Variants in DEPDC5 observed in about 807,000 individuals in gnomAD.
DEPDC5 encodes GATOR1 complex protein DEPDC5.
Under a neutral mutation model 217.3 loss-of-function variants are expected in DEPDC5, and 73 were observed. The ratio of observed to expected loss-of-function variants is 0.34; its 90% CI spans 0.28 to 0.41. The LOEUF (loss-of-function observed/expected upper bound fraction) is 0.41, where lower values mean the gene tolerates loss of function less well. Ranked by LOEUF, DEPDC5 falls within the 10% of genes least tolerant of loss-of-function variation. The pLI is 1.00. For synonymous variants in DEPDC5, 733 were observed against 756.7 expected (o/e 0.97, Z 0.51); for missense variants, 1,675 against 2,070.1 (o/e 0.81, Z 3.70).
At chr22:31,781,244 AAAAC>A (rs1051816649) in intron 8 of DEPDC5, among the ~76,000 whole-genome samples, 4 of 151,924 alleles carry the variant, frequency 2.6e-5, no homozygotes, top group Non-Finnish European at 2.9e-5. Context: ...CAAAAAAAAA[AAAAC>A]AAAGAATTTA....
chr22:31,778,149 A>T lies in DEPDC5; in HGVS notation c.464A>T (p.Tyr155Phe). 6.2e-7 allele frequency: 1 copy of T among 1,614,200 alleles called. No individual in the cohort carries two copies. The highest frequency in any genetic ancestry group is 8.5e-7 in the Non-Finnish European group (1 of 1,180,012). Residue 155 changes from tyrosine to phenylalanine, a missense_variant, in exon 8 of 43, where the codon TAC becomes TTC. Physicochemically the swap from Tyr to Phe is conservative, Grantham distance 22. Transcript: ENST00000651528. ...AAGAATGAGAAGGTCATGTGTGGCT[A>T]CATCAGTGAAGATACCAGGGTAAGA... ...WVKNEKVMCGYISEDTRVVFR... is the reference protein window; with the variant it reads ...WVKNEKVMCGFISEDTRVVFR...
At position 31,821,484 on chromosome 22, in the gene DEPDC5, G is replaced by A. The variant is rs1360643927; in HGVS notation, c.1871-18G>A. The A allele has an allele frequency of 1.9e-6, 3 of 1,613,446 alleles. No homozygotes were observed. Among genetic ancestry groups the A allele is most frequent in the Non-Finnish European group, 2.5e-6 (3 of 1,179,526 alleles). The stretch of plus-strand genomic sequence containing the variant: ...CTATCAGGTGGGAATGATGCTCAGT[G>A]GTTCTTTATCTGGGTAGGGCCATCC... On this transcript the variant is annotated intron_variant, in intron 22 of 42. Coordinates refer to ENST00000651528, the MANE Select transcript of DEPDC5 (RefSeq NM_001242896.3).
At chr22:31,842,357 T>C (rs1353333679) in intron 27 of DEPDC5, among the ~76,000 whole-genome samples, 1 of 151,998 alleles carries the variant, frequency 6.6e-6, no homozygotes, top group African/African-American at 2.4e-5. Context: ...GAGTGGATCA[T>C]CTGAGGTTGG....
chr22:31,788,212 T>C (rs1179230651), intron 10 of DEPDC5, among the ~76,000 whole-genome samples: 1 of 149,876 alleles, frequency 6.7e-6, no homozygotes, highest in Admixed American at 6.7e-5. Flanking sequence ...ATTAGGAAAA[T>C]GCAACCTAAT....
At chr22:31,895,610 C>G (rs1189792211) in intron 39 of DEPDC5, among the ~76,000 whole-genome samples, 1 of 152,176 alleles carries the variant, frequency 6.6e-6, no homozygotes, top group African/African-American at 2.4e-5. Context: ...CTTCATACAA[C>G]AGAGAACAGC....
At chr22:31,834,946 G>T (rs1814691969) in intron 25 of DEPDC5, among the ~76,000 whole-genome samples, 1 of 152,114 alleles carries the variant, frequency 6.6e-6, no homozygotes, top group Non-Finnish European at 1.5e-5. Flanking sequence ...TCTTATTCAT[G>T]ACCATTTGGA....
intron 20 of DEPDC5, among the ~76,000 whole-genome samples, chr22:31,810,984 A>T (rs1035040449): frequency 3.9e-5 from 6 of 151,960 alleles, no homozygotes; most frequent in Non-Finnish European, 5.9e-5. Flanking sequence ...CATGTTGGTC[A>T]GGCTGGTCTC....
intron 27 of DEPDC5, among the ~76,000 whole-genome samples, chr22:31,839,694 C>T (rs1353659577): frequency 6.6e-6 from 1 of 152,206 alleles, no homozygotes; most frequent in Non-Finnish European, 1.5e-5. Flanking sequence ...TTGAAAGCCC[C>T]TTGTGACATT....
chr22:31,846,986 A>G lies in DEPDC5; in HGVS notation c.3155+19A>G. 1 of 1,614,204 alleles carries G rather than the reference A, an allele frequency of 6.2e-7. No individual in the cohort carries two copies. The highest frequency in any genetic ancestry group is 8.5e-7 in the Non-Finnish European group (1 of 1,180,032). ...GTCAGAAGTAAGTGCTTGGTGGAAG[A>G]CTGACTTGTCCCCACCTTGACAGCC... On this transcript the variant is annotated intron_variant, in intron 31 of 42. Transcript: ENST00000651528.
chr22:31,833,775 G>A, intron 24 of DEPDC5, 140 bp from the exon 25 acceptor site: 1 of 641,000 alleles, frequency 1.6e-6, no homozygotes, highest in Non-Finnish European at 2.6e-6. Context: ...CTTTTGTACT[G>A]TTTGAAATAC....
intron 25 of DEPDC5, 199 bp downstream of exon 25, chr22:31,834,179 CTGTTTTGGAAGGTGAT>C: frequency 1.6e-6 from 1 of 637,158 alleles, no homozygotes; most frequent in Non-Finnish European, 2.9e-6. Context: ...ACTGAATGAC[CTGTTTTGGAAGGTGAT>C]TCAGGGGCAC....
intron 14 of DEPDC5, among the ~76,000 whole-genome samples, chr22:31,799,201 G>A (rs1180694485): frequency 3.3e-5 from 5 of 151,274 alleles, no homozygotes; most frequent in African/African-American, 1.2e-4. Flanking sequence ...GCATCACCAC[G>A]CCCAGCTAAT....
Position 31,874,275 on chromosome 22 carries a change from C to T in DEPDC5, c.3566C>T (p.Thr1189Ile). 1.9e-6 allele frequency: 3 copies of T among 1,606,510 alleles called. No homozygotes were observed. The highest frequency in any genetic ancestry group is 2.6e-6 in the Non-Finnish European group (3 of 1,176,284). The change falls in exon 36 of 43, where the codon ACA (threonine) becomes ATA (isoleucine). Residue 1189 changes from threonine (T) to isoleucine (I), a missense_variant and splice_region_variant. Thr to Ile is a moderately conservative substitution (Grantham distance 89). Transcript: ENST00000651528. ...EILEAMKHPS[T>I]GVQLLSEQKG... is the part of the protein sequence containing the mutation. ...CCGTTCACCGTGTTGGAACCCAGGA[C>T]AGGAGTCCAGCTGCTCTCTGAACAG...
chr22:31,817,390 G>T (rs556072964), intron 21 of DEPDC5: 4 of 396,194 alleles, frequency 1.0e-5, no homozygotes, highest in Non-Finnish European at 5.0e-6. Context: ...GATTACGGGC[G>T]TGAGCCACCT....
At chr22:31,795,986 T>G (rs1045583935) in intron 12 of DEPDC5, among the ~76,000 whole-genome samples, 1 of 151,982 alleles carries the variant, frequency 6.6e-6, no homozygotes, top group African/African-American at 2.4e-5. Context: ...CACCTTGGCC[T>G]CTCCAAGTGC....
intron 32 of DEPDC5, 83 bp downstream of exon 32, chr22:31,857,636 C>T (rs2092354638): frequency 3.4e-6 from 4 of 1,175,292 alleles, no homozygotes; most frequent in Non-Finnish European, 4.9e-6. Context: ...CCCTTCAGAT[C>T]CGGGATTGCA....
intron 38 of DEPDC5, among the ~76,000 whole-genome samples, chr22:31,883,771 A>G (rs941603161): frequency 4.6e-5 from 7 of 152,188 alleles, no homozygotes; most frequent in Non-Finnish European, 2.9e-5. Flanking sequence ...AGGAGACAAA[A>G]GTCAAAGCCT....
At chr22:31,781,525 G>A (rs1035305588) in intron 8 of DEPDC5, among the ~76,000 whole-genome samples, 3 of 151,862 alleles carry the variant, frequency 2.0e-5, no homozygotes, top group African/African-American at 4.8e-5. Flanking sequence ...CTCCGCCCCC[G>A]GGGTTCAAGC....
chr22:31,895,214 G>A (rs1247521720), intron 39 of DEPDC5, among the ~76,000 whole-genome samples: 1 of 151,938 alleles, frequency 6.6e-6, no homozygotes, highest in Non-Finnish European at 1.5e-5. Flanking sequence ...GTGTCTAGTG[G>A]GTAGAGACCA....
Sources: allele counts gnomAD v4.1 joint callset (sites outside exome capture counted in the v4.1 genomes callset), GRCh38; gene constraint gnomAD v4.1.1; transcripts MANE v1.5; gene names NCBI Gene and HGNC (gene_info 2026-07-23, HGNC 2026-07-21).